PHRF1: variants seen among roughly 807,000 people sequenced by gnomAD.
PHRF1 encodes PHD and RING finger domain-containing protein 1.
In PHRF1, 53 loss-of-function variants were observed where a neutral mutation model predicts 128.9. That is an observed-to-expected ratio of 0.41 (90% CI 0.33 to 0.52). The LOEUF (loss-of-function observed/expected upper bound fraction) is 0.52, where lower values mean the gene tolerates loss of function less well. PHRF1 is among the 20% of genes least tolerant of loss of function. The pLI, the probability that PHRF1 is intolerant of heterozygous loss-of-function variation, is 0.21. For missense variants in PHRF1, 2,503 were observed against 2,284.5 expected, an observed-to-expected ratio of 1.10 and a Z score of -1.95; for synonymous variants, 1,178 against 980.6, an observed-to-expected ratio of 1.20 and a Z score of -3.76.
At chr11:584,075 G>A (rs948903981) in intron 3 of PHRF1, among the ~76,000 whole-genome samples, 1 of 152,230 alleles carries the variant, frequency 6.6e-6, no homozygotes, top group African/African-American at 2.4e-5. Context: ...GTTGGTAAGG[G>A]AATGGCACTC....
rs147732257 is a variant in PHRF1, at chr11:596,833, C to T, written c.621-90C>T. The T allele has an allele frequency of 7.9e-4, 893 of 1,135,700 alleles. 6 individuals carry two copies. In the East Asian group the frequency reaches 0.011, roughly 14 times the overall value. The allele number at this position is 1,135,700 out of a possible 1,614,324, so 70.4% of individuals were successfully genotyped here. ...AATGCATCGCAGACTTGGGTGCCAT[C>T]GGAGGCCTGCTTTGTGGTCCCCTCA... is the stretch of plus-strand genomic sequence containing the variant. On this transcript the variant is annotated intron_variant, in intron 6 of 17. Coordinates refer to ENST00000264555, the MANE Select transcript of PHRF1 (RefSeq NM_001286581.2).
rs1050663938 is a variant in PHRF1, at chr11:593,425, C to G, written c.620+751C>G. 2.6e-5 allele frequency among the ~76,000 whole-genome samples: 4 copies of G among 152,374 alleles called. No homozygotes were observed. In the East Asian group the frequency reaches 7.7e-4, roughly 29 times the overall value. On this transcript the variant is annotated intron_variant, in intron 6 of 17. Transcript: ENST00000264555. ...AACAGCCGGAGCCAGGAGGCCTTGA[C>G]GTGCCGCGGCTGGAGCCGCACCGAG... is the stretch of plus-strand genomic sequence containing the variant.
rs1435899112 is a variant in PHRF1, at chr11:608,950, C to T, written c.3494C>T (p.Ser1165Phe). 1.2e-6 allele frequency: 2 copies of T among 1,610,494 alleles called. No homozygotes were observed. The highest frequency in any genetic ancestry group is 1.7e-6 in the Non-Finnish European group (2 of 1,179,244). ...PRDRRKRRSR[S>F]PSSEHRAREH... Reference sequence around the variant, plus strand: ...GACCGGAGGAAGCGGAGGTCCCGGTCCCCAAGCTCGGAGCACAGGGCACGG... The same window carrying T: ...GACCGGAGGAAGCGGAGGTCCCGGTTCCCAAGCTCGGAGCACAGGGCACGG... Residue 1165 changes from serine to phenylalanine, a missense_variant, in exon 14 of 18, where the codon TCC becomes TTC. Ser to Phe is a radical substitution (Grantham distance 155). Coordinates refer to ENST00000264555, the MANE Select transcript of PHRF1 (RefSeq NM_001286581.2).
intron 8 of PHRF1, among the ~76,000 whole-genome samples, chr11:598,133 G>A (rs1428492924): frequency 6.6e-6 from 1 of 152,234 alleles, no homozygotes; most frequent in Non-Finnish European, 1.5e-5. Context: ...AGTGACTGGT[G>A]CCCTCTCGTG....
chr11:611,884 G>C lies in PHRF1; in HGVS notation c.*107G>C, dbSNP rs1355085876. Reference sequence around the variant, plus strand: ...GGCGGGAATCGGGGCCATGCCCGGGGAGCTGTCGGGAGTGGCGGGAAATGG... The same window carrying C: ...GGCGGGAATCGGGGCCATGCCCGGGCAGCTGTCGGGAGTGGCGGGAAATGG... On this transcript the variant is annotated 3_prime_UTR_variant, in exon 18 of 18. Coordinates refer to ENST00000264555, the MANE Select transcript of PHRF1 (RefSeq NM_001286581.2). The C allele has an allele frequency of 2.2e-5, 32 of 1,471,680 alleles. No homozygotes were observed. The highest frequency in any genetic ancestry group is 2.3e-5 in the Non-Finnish European group (26 of 1,112,248). The allele number at this position is 1,471,680 out of a possible 1,614,324, so 91.2% of individuals were successfully genotyped here.
intron 3 of PHRF1, among the ~76,000 whole-genome samples, chr11:585,901 G>C (rs960408687): frequency 6.6e-6 from 1 of 151,814 alleles, no homozygotes; most frequent in Non-Finnish European, 1.5e-5. Flanking sequence ...TTGCTCTGTT[G>C]CCCAGGCTGG....
At chr11:585,900 T>C (rs1033805126) in intron 3 of PHRF1, among the ~76,000 whole-genome samples, 1 of 152,030 alleles carries the variant, frequency 6.6e-6, no homozygotes, top group Non-Finnish European at 1.5e-5. Context: ...CTTGCTCTGT[T>C]GCCCAGGCTG....
chr11:594,776 T>C (rs1855184773), intron 6 of PHRF1, among the ~76,000 whole-genome samples: 1 of 152,240 alleles, frequency 6.6e-6, no homozygotes, highest in Admixed American at 6.5e-5. Context: ...TGTAGTACCT[T>C]CTAACAAGGC....
At chr11:593,602 G>T (rs568780651) in intron 6 of PHRF1, among the ~76,000 whole-genome samples, 3 of 152,376 alleles carry the variant, frequency 2.0e-5, no homozygotes, top group African/African-American at 7.2e-5. Flanking sequence ...GCTGTTGTTG[G>T]TGCAGGAATC....
In PHRF1 at chr11:597,447, G is replaced by A; in HGVS notation, c.771G>A (p.Val257=). 4.3e-6 allele frequency: 7 copies of A among 1,612,940 alleles called. No individual in the cohort carries two copies. Among genetic ancestry groups the A allele is most frequent in the African/African-American group, 1.3e-5 (1 of 75,014 alleles). The change falls in exon 8 of 18, where the codon GTG becomes GTA. Residue 257 remains valine (V), a synonymous_variant. Transcript: ENST00000264555. This position sits in a 1 kb window ranked among gnomAD's most constrained non-coding sequence, Gnocchi z 6.5. The stretch of plus-strand genomic sequence containing the variant: ...TCTCCCTGCTCTTGGCTGATGTGGT[G>A]CCCACCACCAGCAGGCTTCGGCCTC... ...EEVSLLLADV[V]PTTSRLRPRA...
In PHRF1 at chr11:587,289, C is replaced by G. The variant is rs756592688; in HGVS notation, c.245C>G (p.Thr82Arg). ...GAGGATTCTGAAGACGACGGGGAGA[C>G]ATTGCTGGAGGTAGCGGGTACTCAG... is the stretch of plus-strand genomic sequence containing the variant. ...GSEDSEDDGE[T>R]LLEVAGTQGK... The change falls in exon 4 of 18, where the codon ACA (threonine) becomes AGA (arginine). Residue 82 changes from threonine (T) to arginine (R), a missense_variant. Coordinates refer to ENST00000264555, the MANE Select transcript of PHRF1 (RefSeq NM_001286581.2). 6.2e-7 allele frequency: 1 copy of G among 1,613,572 alleles called. No individual in the cohort carries two copies. The highest frequency in any genetic ancestry group is 8.5e-7 in the Non-Finnish European group (1 of 1,179,882).
chr11:597,789 G>A lies in PHRF1; in HGVS notation c.894+219G>A, dbSNP rs1395603892. Among the ~76,000 whole-genome samples, 1 of 152,156 alleles carries A rather than the reference G, an allele frequency of 6.6e-6. No individual in the cohort carries two copies. The highest frequency in any genetic ancestry group is 1.9e-4 in the East Asian group (1 of 5,196). On this transcript the variant is annotated intron_variant, in intron 8 of 17. Coordinates refer to ENST00000264555, the MANE Select transcript of PHRF1 (RefSeq NM_001286581.2). This position sits in a 1 kb window ranked among gnomAD's most constrained non-coding sequence, Gnocchi z 6.5. ...CTCTGAGCACCTGGAGCCAGGTATT[G>A]AGGGGCAGGTGAAGCCTGGCCCTGG...
intron 9 of PHRF1, among the ~76,000 whole-genome samples, chr11:600,920 C>G (rs930534600): frequency 6.6e-6 from 1 of 151,740 alleles, no homozygotes; most frequent in Admixed American, 6.6e-5. Context: ...GAGCTGAGAT[C>G]ACGCCACTGC....
At chr11:586,855 TG>T (rs1412564031) in intron 3 of PHRF1, among the ~76,000 whole-genome samples, 2 of 151,722 alleles carry the variant, frequency 1.3e-5, no homozygotes, top group African/African-American at 4.8e-5. Context: ...GCGTTGGAAA[TG>T]GGGGCTGCTG....
chr11:602,970 T>A (rs894202739), intron 10 of PHRF1, among the ~76,000 whole-genome samples: 6 of 151,978 alleles, frequency 3.9e-5, no homozygotes, highest in African/African-American at 1.4e-4. Flanking sequence ...ACCATGTTGA[T>A]CAGGCTGGTC....
chr11:605,484 G>A lies in PHRF1; in HGVS notation c.1335-121G>A, dbSNP rs1302759479. On this transcript the variant is annotated intron_variant, in intron 11 of 17. Coordinates refer to ENST00000264555, the MANE Select transcript of PHRF1 (RefSeq NM_001286581.2). ...AACTCAGAGGTCTGGTTCGGGGCCCGAATCACACGTGCCGCCACATGGCCA... is the reference window on the plus strand; with the variant it reads ...AACTCAGAGGTCTGGTTCGGGGCCCAAATCACACGTGCCGCCACATGGCCA... 8 of 1,507,912 alleles carry A rather than the reference G, an allele frequency of 5.3e-6. No individual in the cohort carries two copies. In the African/African-American group the frequency reaches 6.9e-5, roughly 13 times the overall value. The allele number at this position is 1,507,912 out of a possible 1,614,324, so 93.4% of individuals were successfully genotyped here.
At chr11:606,734 T>C in intron 13 of PHRF1, 138 bp downstream of exon 13, 1 of 1,258,716 alleles carries the variant, frequency 7.9e-7, no homozygotes, top group Non-Finnish European at 1.1e-6. Flanking sequence ...TTTTTCTGCA[T>C]TGATTTCCCT....
intron 1 of PHRF1, 134 bp from the exon 2 acceptor site, chr11:581,358 A>C (rs1009747281): frequency 1.0e-4 from 69 of 691,186 alleles, no homozygotes; most frequent in Admixed American, 2.8e-5. Context: ...GTGATATCTC[A>C]GGGCTCACTC....
At chr11:590,330 A>C (rs879738350) in intron 4 of PHRF1, among the ~76,000 whole-genome samples, 18 of 152,230 alleles carry the variant, frequency 1.2e-4, no homozygotes, top group Non-Finnish European at 2.6e-4. Flanking sequence ...ATCGATGTTC[A>C]CCACGGGGGA....
Sources: gnomAD v4.1 joint callset for allele counts (sites outside exome capture counted in the v4.1 genomes callset) on GRCh38, gnomAD v4.1.1 for gene constraint, Gnocchi (gnomAD v3.1) non-coding constraint, MANE v1.5 for transcripts, NCBI Gene and HGNC (gene_info 2026-07-23, HGNC 2026-07-21) for gene names.